The following MTAP variants were observed in gnomAD, a reference collection of about 807,000 sequenced individuals.
MTAP encodes the protein S-methyl-5'-thioadenosine phosphorylase.
Under a neutral mutation model 33.6 loss-of-function variants are expected in MTAP, and 33 were observed. The observed-to-expected ratio is 0.98, with a 90% CI of 0.74 to 1.31. The LOEUF is 1.31. Ranked by LOEUF, MTAP falls within the 40% of genes most tolerant of loss-of-function variation. The pLI, the probability that MTAP is intolerant of heterozygous loss-of-function variation, is 0.00. For synonymous variants in MTAP, 148 were observed against 125.7 expected (o/e 1.18, Z -1.19); for missense variants, 367 against 360.0 (o/e 1.02, Z -0.16).
chr9:21,912,110 A>G (rs1280985459), intron 1 of MTAP, among the ~76,000 whole-genome samples: 2 of 152,218 alleles, frequency 1.3e-5, no homozygotes, highest in Admixed American at 6.5e-5. Flanking sequence ...ATAGACCAAT[A>G]ACAGGCTCTG....
At chr9:21,886,699 T>TC (rs1202560798) in intron 1 of MTAP, among the ~76,000 whole-genome samples, 2 of 152,196 alleles carry the variant, frequency 1.3e-5, no homozygotes, top group East Asian at 3.8e-4. Context: ...GGGTGTCCTT[T>TC]CCCCACTTTA....
At chr9:21,931,348 G>C, downstream of MTAP, 2 of 549,296 alleles carry the variant, frequency 3.6e-6, no homozygotes, top group Non-Finnish European at 6.5e-6. Flanking sequence ...AGGCAGACAT[G>C]AGTAAGGGAG....
At chr9:21,914,084 C>A (rs185558020) in intron 1 of MTAP, among the ~76,000 whole-genome samples, 100 of 152,254 alleles carry the variant, frequency 6.6e-4, no homozygotes, top group African/African-American at 2.3e-3. Flanking sequence ...CAATGAGATA[C>A]CATCTCACAC....
chr9:21,823,982 A>G (rs944950425), intron 4 of MTAP, among the ~76,000 whole-genome samples: 27 of 152,042 alleles, frequency 1.8e-4, no homozygotes, highest in Non-Finnish European at 3.4e-4. Flanking sequence ...ACTTCTCTAC[A>G]CTGGTTATTC....
intron 6 of MTAP, among the ~76,000 whole-genome samples, chr9:21,855,606 G>A (rs1368773984): frequency 2.0e-5 from 3 of 152,162 alleles, no homozygotes; most frequent in South Asian, 2.1e-4. Flanking sequence ...ACCATGGTAA[G>A]GGTTTCAGAT....
intron 1 of MTAP, among the ~76,000 whole-genome samples, chr9:21,918,833 C>T (rs1818737857): frequency 6.6e-6 from 1 of 151,572 alleles, no homozygotes; most frequent in Non-Finnish European, 1.5e-5. Flanking sequence ...TGTGAGGCCT[C>T]TTCAACCATG....
At chr9:21,841,608 T>C (rs1402752537) in intron 5 of MTAP, among the ~76,000 whole-genome samples, 1 of 150,216 alleles carries the variant, frequency 6.7e-6, no homozygotes, top group Non-Finnish European at 1.5e-5. Flanking sequence ...GCAGTACTCA[T>C]TGCAGACATC....
intron 1 of MTAP, among the ~76,000 whole-genome samples, chr9:21,807,025 A>T (rs902112239): frequency 1.3e-5 from 2 of 152,112 alleles, no homozygotes; most frequent in East Asian, 3.9e-4. Flanking sequence ...TTAGCCAGGC[A>T]CGGTGCTGCA....
At chr9:21,873,640 CT>C (rs1825966924) in intron 1 of MTAP, among the ~76,000 whole-genome samples, 1 of 125,308 alleles carries the variant, frequency 8.0e-6, no homozygotes, top group Non-Finnish European at 1.6e-5. Context: ...TGAGAAACAA[CT>C]TTATTGTTTT....
chr9:21,802,654 C>G lies in MTAP; in HGVS notation c.-95C>G, dbSNP rs1052388091. 37 of 1,412,394 alleles carry G rather than the reference C, an allele frequency of 2.6e-5. No homozygotes were observed. The highest frequency in any genetic ancestry group is 3.4e-5 in the Non-Finnish European group (34 of 1,009,128). 87.5% of individuals were successfully genotyped at this position (1,412,394 alleles called of 1,614,324 possible). A position where few individuals can be genotyped will look rare whatever the true frequency, so the allele number is the denominator to read the frequency against. On this transcript the variant is annotated 5_prime_UTR_variant, in exon 1 of 8. Transcript: ENST00000644715. ...CCCTGGTCTCCGCACTGCTCACTCCCGCGCAGTGAGGTTGGCACAGCCACC... is the reference window on the plus strand; with the variant it reads ...CCCTGGTCTCCGCACTGCTCACTCCGGCGCAGTGAGGTTGGCACAGCCACC...
At chr9:21,817,577 A>G (rs1479471655) in intron 3 of MTAP, among the ~76,000 whole-genome samples, 1 of 151,966 alleles carries the variant, frequency 6.6e-6, no homozygotes, top group Non-Finnish European at 1.5e-5. Context: ...TGTTCACTTG[A>G]CTGCAGCTTG....
intron 4 of MTAP, among the ~76,000 whole-genome samples, chr9:21,833,693 TG>T (rs1825029040): frequency 1.3e-5 from 2 of 152,218 alleles, no homozygotes; most frequent in Non-Finnish European, 2.9e-5. Flanking sequence ...TGTTGGGGCT[TG>T]TTGTGGATAC....
At chr9:21,935,498 T>G (rs891719984), downstream of MTAP, 4 of 151,806 alleles carry the variant, frequency 2.6e-5, no homozygotes, top group African/African-American at 9.7e-5. Flanking sequence ...TTTTTAACCA[T>G]AAATTCCAGG....
At chr9:21,810,737 C>T (rs1395370855) in intron 1 of MTAP, among the ~76,000 whole-genome samples, 1 of 152,212 alleles carries the variant, frequency 6.6e-6, no homozygotes, top group East Asian at 1.9e-4. Context: ...AATACAGTCA[C>T]ATTCTGAGGT....
chr9:21,904,718 G>A (rs1388094539), intron 1 of MTAP, among the ~76,000 whole-genome samples: 1 of 152,096 alleles, frequency 6.6e-6, no homozygotes, highest in Non-Finnish European at 1.5e-5. Flanking sequence ...GATTAGTAAG[G>A]TTTTTTAACA....
downstream of MTAP, chr9:21,932,233 A>AGGGC (rs1818972641): frequency 1.3e-5 from 2 of 152,226 alleles, no homozygotes; most frequent in Admixed American, 1.3e-4. Context: ...GCCCATAATT[A>AGGGC]TTCCTGGGCT....
At position 21,922,685 on chromosome 9, in the gene MTAP, C is replaced by T. The variant is rs1425464569; in HGVS notation, c.148-8323C>T. ...GCTGGAGAAGAAGGAGATCTGTACACAGTTTTCTTCTCCCCTTTCACTCTC... is the reference window on the plus strand; with the variant it reads ...GCTGGAGAAGAAGGAGATCTGTACATAGTTTTCTTCTCCCCTTTCACTCTC... On this transcript the variant is annotated intron_variant, in intron 1 of 1. Coordinates refer to the MTAP transcript ENST00000577563. The surrounding 1 kb of genome is among the most constrained non-coding windows in gnomAD (Gnocchi z 4.8). Among the ~76,000 whole-genome samples, 6 of 152,126 alleles carry T rather than the reference C, an allele frequency of 3.9e-5. No homozygotes were observed. In the South Asian group the frequency reaches 1.0e-3, roughly 26 times the overall value.
intron 1 of MTAP, among the ~76,000 whole-genome samples, chr9:21,894,051 C>T (rs1330880384): frequency 6.6e-6 from 1 of 151,840 alleles, no homozygotes; most frequent in Non-Finnish European, 1.5e-5. Context: ...GCTAATCCAC[C>T]ATGATCAAGT....
intron 4 of MTAP, among the ~76,000 whole-genome samples, chr9:21,835,338 GAACTT>G (rs1563840044): frequency 6.6e-6 from 1 of 152,118 alleles, no homozygotes; most frequent in Non-Finnish European, 1.5e-5. Flanking sequence ...CACGAAGAAA[GAACTT>G]AAAGAAGCTG....
Sources: allele counts gnomAD v4.1 joint callset (sites outside exome capture counted in the v4.1 genomes callset), GRCh38; gene constraint gnomAD v4.1.1; non-coding constraint Gnocchi (gnomAD v3.1); transcripts MANE v1.5; gene names NCBI Gene and HGNC (gene_info 2026-07-23, HGNC 2026-07-21).